The following FBXL20 variants were observed in gnomAD, a reference collection of about 807,000 sequenced individuals.
The protein encoded by FBXL20 is F-box/LRR-repeat protein 20.
In FBXL20, 11 loss-of-function variants were observed where a neutral mutation model predicts 64.0. That is an observed-to-expected ratio of 0.17 (90% CI 0.11 to 0.28). FBXL20 has a LOEUF of 0.28. Ranked by LOEUF, FBXL20 falls within the 10% of genes least tolerant of loss-of-function variation. The pLI is 1.00. For synonymous variants in FBXL20, 184 were observed against 189.0 expected (o/e 0.97, Z 0.22); for missense variants, 303 against 526.2 (o/e 0.58, Z 4.15).
At chr17:39,322,163 CAAAAAAAA>C (rs761771926) in intron 2 of FBXL20, among the ~76,000 whole-genome samples, 11 of 52,552 alleles carry the variant, frequency 2.1e-4, no homozygotes, top group South Asian at 8.3e-4. Context: ...CTATCTCTAC[CAAAAAAAA>C]AAAAAAAAAA....
Position 39,297,198 on chromosome 17 carries a change from T to G in FBXL20, c.330-3A>C. ...TCCTGCAGTTTTGTGCAAAGGTTCTTTGTAGGAAAGAAAGTAAGAGGTTTC... is the reference window on the plus strand; with the variant it reads ...TCCTGCAGTTTTGTGCAAAGGTTCTGTGTAGGAAAGAAAGTAAGAGGTTTC... On this transcript the variant is annotated splice_region_variant and splice_polypyrimidine_tract_variant and intron_variant, in intron 5 of 14. Transcript: ENST00000264658. The G allele has an allele frequency of 6.2e-7, 1 of 1,605,622 alleles. No individual in the cohort carries two copies. The highest frequency in any genetic ancestry group is 8.5e-7 in the Non-Finnish European group (1 of 1,174,428).
At chr17:39,353,473 C>T (rs970150470) in intron 1 of FBXL20, among the ~76,000 whole-genome samples, 2 of 151,866 alleles carry the variant, frequency 1.3e-5, no homozygotes, top group African/African-American at 2.4e-5. Context: ...ATAAATCATA[C>T]CTTATCATAG....
intron 1 of FBXL20, among the ~76,000 whole-genome samples, chr17:39,352,371 T>C (rs962605991): frequency 6.7e-6 from 1 of 150,332 alleles, no homozygotes; most frequent in African/African-American, 2.5e-5. Context: ...TCTGAAAAAA[T>C]AAATACATTA....
intron 10 of FBXL20, among the ~76,000 whole-genome samples, chr17:39,274,515 G>C (rs922540287): frequency 2.0e-5 from 3 of 152,128 alleles, no homozygotes; most frequent in African/African-American, 7.2e-5. Flanking sequence ...GAGCCAGAGA[G>C]AAATAAGACT....
chr17:39,369,833 G>A (rs1460381607), intron 1 of FBXL20, among the ~76,000 whole-genome samples: 5 of 152,056 alleles, frequency 3.3e-5, no homozygotes, highest in Non-Finnish European at 5.9e-5. Flanking sequence ...ACAGGCTCTC[G>A]CCATGTTGCC....
At chr17:39,286,938 G>A (rs1195107706) in intron 6 of FBXL20, among the ~76,000 whole-genome samples, 1 of 122,858 alleles carries the variant, frequency 8.1e-6, no homozygotes, top group Non-Finnish European at 1.6e-5. Flanking sequence ...TTGAGACAGA[G>A]TCTTGTTCTT....
At position 39,294,422 on chromosome 17, in the gene FBXL20, G is replaced by A. The variant is rs1194080859; in HGVS notation, c.398+2705C>T. Among the ~76,000 whole-genome samples the A allele has an allele frequency of 2.0e-5, 3 of 151,968 alleles. No individual in the cohort carries two copies. The East Asian group carries it at 5.8e-4, about 29-fold the overall frequency. On this transcript the variant is annotated intron_variant, in intron 6 of 14. Transcript: ENST00000264658. ...AGCCTCCCAAGTAGCTTGGACTACAGGCATATGCCACCATGCCTGGCTAAT... is the reference window on the plus strand; with the variant it reads ...AGCCTCCCAAGTAGCTTGGACTACAAGCATATGCCACCATGCCTGGCTAAT...
intron 1 of FBXL20, among the ~76,000 whole-genome samples, chr17:39,358,681 CA>C (rs1261525513): frequency 2.8e-5 from 4 of 143,812 alleles, no homozygotes; most frequent in South Asian, 2.3e-4. Context: ...GACTCTGTCT[CA>C]AAAAAAAACA....
intron 2 of FBXL20, among the ~76,000 whole-genome samples, chr17:39,308,023 C>T (rs965255089): frequency 6.6e-6 from 1 of 150,732 alleles, no homozygotes; most frequent in African/African-American, 2.4e-5. Context: ...TAAATGATTT[C>T]AACTGTATTC....
chr17:39,304,328 C>T (rs1399157967), intron 2 of FBXL20, among the ~76,000 whole-genome samples: 1 of 152,094 alleles, frequency 6.6e-6, no homozygotes, highest in Non-Finnish European at 1.5e-5. Context: ...CACTCTGTCA[C>T]GCAGGCTTGA....
At chr17:39,382,252 G>T (rs1324008809) in intron 1 of FBXL20, among the ~76,000 whole-genome samples, 3 of 151,976 alleles carry the variant, frequency 2.0e-5, no homozygotes, top group Non-Finnish European at 4.4e-5. Flanking sequence ...GACCATCCTG[G>T]CTAACACGGT....
intron 1 of FBXL20, among the ~76,000 whole-genome samples, chr17:39,357,336 A>G (rs770614975): frequency 6.6e-6 from 1 of 151,952 alleles, no homozygotes; most frequent in Non-Finnish European, 1.5e-5. Flanking sequence ...CCTTAATCAA[A>G]TATCACTTGA....
At chr17:39,359,117 T>G (rs2047769509) in intron 1 of FBXL20, among the ~76,000 whole-genome samples, 1 of 152,120 alleles carries the variant, frequency 6.6e-6, no homozygotes, top group Non-Finnish European at 1.5e-5. Flanking sequence ...TGAGGCGGGC[T>G]GATCGCCTGA....
At chr17:39,299,192 T>C in intron 4 of FBXL20, 108 bp from the exon 5 acceptor site, 1 of 759,986 alleles carries the variant, frequency 1.3e-6, no homozygotes, top group East Asian at 2.7e-5. Context: ...GCTTCTATTA[T>C]GACCTAATTT....
intron 1 of FBXL20, among the ~76,000 whole-genome samples, chr17:39,384,053 G>C (rs1473846375): frequency 1.3e-5 from 2 of 151,862 alleles, no homozygotes; most frequent in African/African-American, 4.8e-5. Flanking sequence ...GAGCAACATA[G>C]GGAGACTCCA....
chr17:39,345,491 AG>A (rs2047623454), intron 1 of FBXL20, among the ~76,000 whole-genome samples: 1 of 152,218 alleles, frequency 6.6e-6, no homozygotes, highest in Non-Finnish European at 1.5e-5. Flanking sequence ...CAGAAATGGT[AG>A]GGAAGTCACA....
intron 1 of FBXL20, among the ~76,000 whole-genome samples, chr17:39,397,855 CA>C (rs35527543): frequency 0.057 from 7,948 of 139,678 alleles, 633 homozygotes; most frequent in African/African-American, 0.19. Context: ...ACAGTGGAGT[CA>C]AAAAAAAAAA....
chr17:39,261,681 C>G (rs1051600075), intron 14 of FBXL20, 114 bp from the exon 15 acceptor site: 18 of 732,754 alleles, frequency 2.5e-5, no homozygotes, highest in Admixed American at 5.2e-5. Flanking sequence ...AGGGCAAAGG[C>G]TGAGCACTGG....
At chr17:39,278,531 G>C (rs1373587191) in intron 9 of FBXL20, among the ~76,000 whole-genome samples, 3 of 150,070 alleles carry the variant, frequency 2.0e-5, no homozygotes, top group African/African-American at 7.3e-5. Context: ...TGATCTCTCA[G>C]GAGTAAACAT....
Sources: gnomAD v4.1 joint callset for allele counts (sites outside exome capture counted in the v4.1 genomes callset) on GRCh38, gnomAD v4.1.1 for gene constraint, MANE v1.5 for transcripts, NCBI Gene and HGNC (gene_info 2026-07-23, HGNC 2026-07-21) for gene names.